The following ANKS3 variants were observed in gnomAD, a reference collection of about 807,000 sequenced individuals.
The protein encoded by ANKS3 is ankyrin repeat and sterile alpha motif domain containing 3.
ANKS3 carries 62 observed loss-of-function variants against 80.7 expected under a neutral mutation model. The ratio of observed to expected loss-of-function variants is 0.77; its 90% CI spans 0.63 to 0.95. The LOEUF is 0.95. Among genes scored for constraint, ANKS3 ranks in the 40% least tolerant of loss-of-function variants. The pLI is 0.00. For missense variants in ANKS3, 1,150 were observed against 883.6 expected, an observed-to-expected ratio of 1.30 and a Z score of -3.82; for synonymous variants, 489 against 355.3, an observed-to-expected ratio of 1.38 and a Z score of -4.23.
intron 7 of ANKS3, among the ~76,000 whole-genome samples, chr16:4,711,930 G>A (rs1046759780): frequency 6.6e-6 from 1 of 152,112 alleles, no homozygotes; most frequent in African/African-American, 2.4e-5. Context: ...ATGGTTTCAT[G>A]GGAGGATTCT....
intron 6 of ANKS3, among the ~76,000 whole-genome samples, chr16:4,718,153 C>T (rs555707236): frequency 6.6e-6 from 1 of 151,576 alleles, no homozygotes; most frequent in African/African-American, 2.4e-5. Flanking sequence ...ACTCCAGCCT[C>T]AAGCGATCTT....
At chr16:4,704,043 G>A (rs1048716904) in intron 8 of ANKS3, among the ~76,000 whole-genome samples, 1 of 152,244 alleles carries the variant, frequency 6.6e-6, no homozygotes, top group African/African-American at 2.4e-5. Context: ...CCAGCCCGGT[G>A]TCCCAGAGCC....
At position 4,734,163 on chromosome 16, in the gene ANKS3, G is replaced by T; in HGVS notation, c.-296C>A. The T allele has an allele frequency of 2.5e-6, 1 of 392,960 alleles. No individual in the cohort carries two copies. The highest frequency in any genetic ancestry group is 3.5e-6 in the Non-Finnish European group (1 of 288,464). The allele number at this position is 392,960 out of a possible 1,614,324, so 24.3% of individuals were successfully genotyped here. The stretch of plus-strand genomic sequence containing the variant: ...GGCCGCCGCGGAACCCACCTGTGCT[G>T]GGCCTCAGGCCTTGCGCCGCCCTCG... On this transcript the variant is annotated 5_prime_UTR_variant, in exon 1 of 18. Transcript: ENST00000304283.
At chr16:4,714,685 C>T (rs989166275) in intron 6 of ANKS3, among the ~76,000 whole-genome samples, 6 of 152,206 alleles carry the variant, frequency 3.9e-5, no homozygotes, top group Non-Finnish European at 8.8e-5. Flanking sequence ...ACAGAAAAGG[C>T]TTTAGTGCAC....
chr16:4,697,042 A>G lies in ANKS3; in HGVS notation c.1957T>C (p.Trp653Arg). The G allele has an allele frequency of 6.2e-7, 1 of 1,613,712 alleles. No homozygotes were observed. The highest frequency in any genetic ancestry group is 1.3e-5 in the African/African-American group (1 of 74,996). Residue 653 changes from tryptophan to arginine, a missense_variant, in exon 17 of 18, where the codon TGG (tryptophan) becomes CGG (arginine). Physicochemically the swap from Trp to Arg is moderately radical, Grantham distance 101. Coordinates refer to ENST00000304283, the MANE Select transcript of ANKS3 (RefSeq NM_133450.4). ...CGGCCCGCAGGCTAGGTCTCCCGCC[A>G]CTTCTTCCCGTTCAGCACCTGCAGC... ...EKLQVLNGKK[W>R]RET
rs114688890 is a variant in ANKS3, at chr16:4,730,111, G to A, written c.39C>T (p.Leu13=). The A allele has an allele frequency of 4.8e-5, 77 of 1,592,126 alleles. No individual in the cohort carries two copies. Among genetic ancestry groups the A allele is most frequent in the Non-Finnish European group, 6.5e-5 (76 of 1,166,716 alleles). Residue 13 remains leucine (L), a synonymous_variant, in exon 3 of 18, where the codon CTC becomes CTT. Transcript: ENST00000304283. ...GCCACATGGACAAGCTGCGGTTCAGGAGTTCCGGCTCGCTGGCTTCATCGC... is the reference window on the plus strand; with the variant it reads ...GCCACATGGACAAGCTGCGGTTCAGAAGTTCCGGCTCGCTGGCTTCATCGC... ...ELSDEASEPE[L]LNRSLSMWHG... is the part of the protein sequence containing the mutation.
intron 8 of ANKS3, among the ~76,000 whole-genome samples, chr16:4,704,071 G>C (rs929328570): frequency 1.3e-5 from 2 of 152,202 alleles, no homozygotes; most frequent in Non-Finnish European, 2.9e-5. Context: ...ACAGCTCAGC[G>C]GACGGGACAC....
At chr16:4,727,261 C>A (rs576419377) in intron 3 of ANKS3, 84 bp from the exon 4 acceptor site, 5 of 1,419,414 alleles carry the variant, frequency 3.5e-6, no homozygotes, top group African/African-American at 1.4e-5. Context: ...CTAGGCCAGG[C>A]GGGATGAGTT....
intron 6 of ANKS3, among the ~76,000 whole-genome samples, chr16:4,723,056 A>G (rs545055359): frequency 6.6e-6 from 1 of 152,332 alleles, no homozygotes; most frequent in Non-Finnish European, 1.5e-5. Context: ...ACAAGAGAAA[A>G]TGGACACCTT....
In ANKS3 at chr16:4,714,123, C is replaced by T. The variant is rs755522009; in HGVS notation, c.637G>A (p.Gly213Arg). The change falls in exon 7 of 18, where the codon GGA becomes AGA. Residue 213 changes from glycine (G) to arginine (R), a missense_variant. Physicochemically the swap from Gly to Arg is moderately radical, Grantham distance 125. Transcript: ENST00000304283. ...ATCAAGGCCACGATCTTCATGTGTC[C>T]GTACTGCTTGGCCAGCATCCGGGCT... is the stretch of plus-strand genomic sequence containing the variant. ...ATARMLAKQYGHMKIVALMDT... is the reference protein window; with the variant it reads ...ATARMLAKQYRHMKIVALMDT... The T allele has an allele frequency of 3.5e-5, 57 of 1,614,064 alleles. No homozygotes were observed. The highest frequency in any genetic ancestry group is 6.7e-5 in the African/African-American group (5 of 74,928).
intron 8 of ANKS3, 119 bp from the exon 9 acceptor site, chr16:4,702,361 C>T (rs1191539461): frequency 1.7e-5 from 18 of 1,083,472 alleles, no homozygotes; most frequent in Admixed American, 1.6e-4. Flanking sequence ...CTTGCCCCTG[C>T]GACCTGGCAT....
At chr16:4,710,613 G>A (rs1468671884) in intron 7 of ANKS3, among the ~76,000 whole-genome samples, 1 of 152,076 alleles carries the variant, frequency 6.6e-6, no homozygotes. Context: ...TAGAGCTGAG[G>A]TAGAAGGATC....
intron 7 of ANKS3, among the ~76,000 whole-genome samples, chr16:4,708,238 G>A (rs1482262476): frequency 1.3e-5 from 2 of 152,044 alleles, no homozygotes; most frequent in Non-Finnish European, 2.9e-5. Context: ...AGAATAACAT[G>A]AGAAATTAAT....
intron 1 of ANKS3, among the ~76,000 whole-genome samples, chr16:4,732,817 A>G (rs1467491491): frequency 6.6e-6 from 1 of 152,148 alleles, no homozygotes; most frequent in African/African-American, 2.4e-5. Context: ...GAAAATGCTA[A>G]GTATCTGTTA....
Position 4,724,750 on chromosome 16 carries a change from G to A in ANKS3, c.573C>T (p.His191=), listed in dbSNP as rs370767484. ...HEIIVQYFLN[H]GVKVDARDHS... is the part of the protein sequence containing the mutation. ...CATGCTAATAATCAGGGTCACTTACGTGATTCAGAAAATACTGCACGATTA... is the reference window on the plus strand; with the variant it reads ...CATGCTAATAATCAGGGTCACTTACATGATTCAGAAAATACTGCACGATTA... Residue 191 remains histidine (H), a splice_region_variant and synonymous_variant, in exon 6 of 18, where the codon CAC becomes CAT. Coordinates refer to ENST00000304283, the MANE Select transcript of ANKS3 (RefSeq NM_133450.4). 10 of 1,612,430 alleles carry A rather than the reference G, an allele frequency of 6.2e-6. No individual in the cohort carries two copies. The highest frequency in any genetic ancestry group is 7.6e-6 in the Non-Finnish European group (9 of 1,179,272).
chr16:4,724,950 C>G, intron 5 of ANKS3, 119 bp from the exon 6 acceptor site: 1 of 742,312 alleles, frequency 1.3e-6, no homozygotes, highest in East Asian at 2.8e-5. Context: ...GCGTAGAACA[C>G]TGTCCCTTTC....
intron 11 of ANKS3, chr16:4,700,200 G>C (rs924255933): frequency 6.5e-6 from 1 of 152,854 alleles, no homozygotes; most frequent in South Asian, 2.1e-4. Context: ...GGCGGATCAC[G>C]ATGTCAGGAA....
In ANKS3 at chr16:4,724,828, C is replaced by T. The variant is rs1220436283; in HGVS notation, c.495G>A (p.Glu165=). The T allele has an allele frequency of 2.5e-6, 4 of 1,613,944 alleles. No homozygotes were observed. The highest frequency in any genetic ancestry group is 3.4e-6 in the Non-Finnish European group (4 of 1,179,934). The change falls in exon 6 of 18, where the codon GAG becomes GAA. Residue 165 remains glutamate (E), a synonymous_variant. Transcript: ENST00000304283. The part of the protein sequence containing the change: ...LDSGANANVR[E]PICGFTPLME... ...TCAAGGGAGTAAATCCACATATCGGCTCCCTGCAAGATGTGGGCCACAGTC... is the reference window on the plus strand; with the variant it reads ...TCAAGGGAGTAAATCCACATATCGGTTCCCTGCAAGATGTGGGCCACAGTC...
At position 4,708,205 on chromosome 16, in the gene ANKS3, G is replaced by C. The variant is rs2080301634; in HGVS notation, c.710-2952C>G. 4.6e-5 allele frequency among the ~76,000 whole-genome samples: 7 copies of C among 152,198 alleles called. No homozygotes were observed. The South Asian group carries it at 1.5e-3, about 32-fold the overall frequency. On this transcript the variant is annotated intron_variant, in intron 7 of 17. Transcript: ENST00000304283. Reference sequence around the variant, plus strand: ...AATGTAAGAATTATAAACACTCTCTGATCAGACACATTAAAGTTAATCAGA... The same window carrying C: ...AATGTAAGAATTATAAACACTCTCTCATCAGACACATTAAAGTTAATCAGA...
Sources: gnomAD v4.1 joint callset for allele counts (sites outside exome capture counted in the v4.1 genomes callset) on GRCh38, gnomAD v4.1.1 for gene constraint, MANE v1.5 for transcripts, NCBI Gene and HGNC (gene_info 2026-07-23, HGNC 2026-07-21) for gene names.